PDXDC1: variants seen among roughly 807,000 people sequenced by gnomAD.
PDXDC1 encodes pyridoxal-dependent decarboxylase domain-containing protein 1.
A neutral mutation model predicts 100.1 loss-of-function variants in PDXDC1; 42 were observed. The observed-to-expected ratio is 0.42, with a 90% confidence interval of 0.33 to 0.54. The LOEUF is 0.54. Ranked by LOEUF, PDXDC1 falls within the 20% of genes least tolerant of loss-of-function variation. PDXDC1 has a pLI of 0.10. For synonymous variants in PDXDC1, 260 were observed against 371.7 expected (o/e 0.70, Z 3.46); for missense variants, 636 against 979.2 (o/e 0.65, Z 4.68).
At chr16:15,097,329 A>G (rs1425973791) in intron 16 of PDXDC1, among the ~76,000 whole-genome samples, 5 of 151,860 alleles carry the variant, frequency 3.3e-5, no homozygotes, top group Admixed American at 6.6e-5. Context: ...AATGTAAGTT[A>G]TAAGAACATA....
At chr16:15,089,803 A>AAAAAAAAAC (rs1567225918) in intron 16 of PDXDC1, among the ~76,000 whole-genome samples, 1 of 151,134 alleles carries the variant, frequency 6.6e-6, no homozygotes, top group East Asian at 1.9e-4. Flanking sequence ...AAAAAAAAAA[A>AAAAAAAAAC]AAAAAAAACA....
chr16:15,009,499 T>C (rs909879615), intron 7 of PDXDC1, 182 bp from the exon 8 acceptor site: 1 of 1,065,114 alleles, frequency 9.4e-7, no homozygotes, highest in Non-Finnish European at 1.3e-6. Context: ...ATTTTTCTAG[T>C]CTTCAAGGAA....
chr16:15,033,095 G>T, intron 18 of PDXDC1, 116 bp downstream of exon 18: 1 of 963,588 alleles, frequency 1.0e-6, no homozygotes, highest in Non-Finnish European at 1.6e-6. Context: ...GGTTCCAGGC[G>T]AAGATGCGGT....
chr16:15,096,692 T>G (rs1440675922), intron 16 of PDXDC1, among the ~76,000 whole-genome samples: 2 of 152,264 alleles, frequency 1.3e-5, no homozygotes, highest in South Asian at 4.1e-4. Flanking sequence ...TTTTGTTTTG[T>G]TTTGGTTTGA....
chr16:14,981,665 T>C (rs1968018929), intron 1 of PDXDC1, among the ~76,000 whole-genome samples: 1 of 152,290 alleles, frequency 6.6e-6, no homozygotes, highest in Admixed American at 6.5e-5. Context: ...GAACACAGGT[T>C]TTTGGAACAC....
chr16:15,096,153 G>C (rs1272977182), intron 16 of PDXDC1, among the ~76,000 whole-genome samples: 1 of 151,662 alleles, frequency 6.6e-6, no homozygotes, highest in Non-Finnish European at 1.5e-5. Flanking sequence ...CTGTCACCCA[G>C]GCTGGAGTAC....
At chr16:14,993,155 A>G (rs1245614865) in intron 1 of PDXDC1, among the ~76,000 whole-genome samples, 1 of 152,234 alleles carries the variant, frequency 6.6e-6, no homozygotes, top group Non-Finnish European at 1.5e-5. Flanking sequence ...ATTTTTTAAA[A>G]TTATACTTTA....
At chr16:15,127,984 G>A (rs1466666837) in intron 16 of PDXDC1, 2 of 1,584,492 alleles carry the variant, frequency 1.3e-6, no homozygotes, top group Non-Finnish European at 1.7e-6. Flanking sequence ...CATGGAACGA[G>A]GCCTTACTCG....
chr16:15,125,949 G>T (rs1000043521), intron 16 of PDXDC1: 3 of 614,672 alleles, frequency 4.9e-6, no homozygotes, highest in Admixed American at 2.6e-5. Flanking sequence ...TGGGACATCT[G>T]CACCGTCCGT....
At chr16:15,002,413 C>G (rs1223473049) in intron 4 of PDXDC1, among the ~76,000 whole-genome samples, 1 of 152,290 alleles carries the variant, frequency 6.6e-6, no homozygotes. Flanking sequence ...TATGCCCACC[C>G]TCTCTAATAC....
chr16:15,140,447 C>CAAAAAAA (rs888007915), downstream of PDXDC1, among the ~76,000 whole-genome samples: 28 of 38,730 alleles, frequency 7.2e-4, no homozygotes, highest in East Asian at 1.1e-3. Flanking sequence ...AGCTCCATCT[C>CAAAAAAA]AAAAAAAAAA....
At chr16:15,016,312 A>T in intron 9 of PDXDC1, 99 bp downstream of exon 9, 1 of 1,543,106 alleles carries the variant, frequency 6.5e-7, no homozygotes, top group Admixed American at 2.3e-5. Context: ...TTTATCACGA[A>T]GGGCTCTTTG....
intron 16 of PDXDC1, among the ~76,000 whole-genome samples, chr16:15,093,647 ACT>A (rs1280299077): frequency 3.9e-5 from 6 of 152,340 alleles, no homozygotes; most frequent in African/African-American, 1.4e-4. Context: ...CATCCTAATG[ACT>A]CTGAAAGTTA....
downstream of PDXDC1, chr16:15,038,535 T>A: frequency 9.0e-7 from 1 of 1,105,094 alleles, no homozygotes. Context: ...GAAACCAGGG[T>A]GCAGAGATTT....
chr16:15,094,170 T>C, intron 16 of PDXDC1: 3 of 1,602,468 alleles, frequency 1.9e-6, no homozygotes, highest in Non-Finnish European at 2.6e-6. Flanking sequence ...CCCAGCTTCT[T>C]AACTGCAGAG....
At chr16:15,031,112 A>ATTTTTTT (rs771115923) in intron 16 of PDXDC1, among the ~76,000 whole-genome samples, 3 of 73,958 alleles carry the variant, frequency 4.1e-5, no homozygotes, top group Non-Finnish European at 4.9e-5. Flanking sequence ...CACCACATCT[A>ATTTTTTT]TTTTTTTTTT....
rs369201070 is a variant in PDXDC1, at chr16:15,101,587, G to T, written c.1400-37292G>T. On this transcript the variant is annotated intron_variant, in intron 16 of 16. Transcript: ENST00000535621. ...TACTAAAAATACAAAAATTACCCAG[G>T]CGTGGTGGCACATGCCTGTAGTCCC... Among the ~76,000 whole-genome samples the T allele has an allele frequency of 6.3e-4, 95 of 150,366 alleles. 2 individuals carry two copies. The South Asian group carries it at 0.02, about 32-fold the overall frequency.
In PDXDC1 at chr16:15,071,265, G is replaced by A. The variant is rs1172587119; in HGVS notation, c.1399+41209G>A. 6.3e-6 allele frequency: 10 copies of A among 1,585,798 alleles called. No individual in the cohort carries two copies. In the East Asian group the frequency reaches 2.0e-4, roughly 32 times the overall value. ...CTCTGCGAATCCCTATAAAAAGAGA[G>A]GGCGTCGGTGTGATCTTTTTTAATG... On this transcript the variant is annotated intron_variant, in intron 16 of 16. Transcript: ENST00000535621.
intron 16 of PDXDC1, among the ~76,000 whole-genome samples, chr16:15,090,268 G>A (rs2046079839): frequency 6.6e-6 from 1 of 152,042 alleles, no homozygotes; most frequent in African/African-American, 2.4e-5. Flanking sequence ...ACCTGTCAGG[G>A]TAATTACTAC....
Sources: allele counts gnomAD v4.1 joint callset (sites outside exome capture counted in the v4.1 genomes callset), GRCh38; gene constraint gnomAD v4.1.1; transcripts MANE v1.5; gene names NCBI Gene and HGNC (gene_info 2026-07-23, HGNC 2026-07-21).